Variants in KCTD13 observed in about 807,000 individuals in gnomAD.
The protein encoded by KCTD13 is potassium channel tetramerization domain containing 13, also known as BTB/POZ domain-containing adapter for CUL3-mediated RhoA degradation protein 1.
Under a neutral mutation model 32.3 loss-of-function variants are expected in KCTD13, and 15 were observed. The ratio of observed to expected loss-of-function variants is 0.46; its 90% CI spans 0.31 to 0.71. The LOEUF (loss-of-function observed/expected upper bound fraction) is 0.71. Among genes scored for constraint, KCTD13 ranks in the 30% least tolerant of loss-of-function variants. The pLI, the probability that KCTD13 is intolerant of heterozygous loss-of-function variation, is 0.05. For synonymous variants in KCTD13, 189 were observed against 200.1 expected (o/e 0.94, Z 0.47); for missense variants, 337 against 452.6 (o/e 0.74, Z 2.32).
chr16:29,911,877 G>A lies in KCTD13; in HGVS notation c.505-10C>T, dbSNP rs773004761. ...GGAGCTTCACCACGGGCTGGCGGGG[G>A]AGAGAGGATGGACGAGAGGGGTGAG... On this transcript the variant is annotated splice_polypyrimidine_tract_variant and intron_variant, in intron 3 of 5. Coordinates refer to ENST00000568000, the MANE Select transcript of KCTD13 (RefSeq NM_178863.5). 8 of 1,612,232 alleles carry A rather than the reference G, an allele frequency of 5.0e-6. No homozygotes were observed. The highest frequency in any genetic ancestry group is 4.4e-5 in the South Asian group (4 of 91,000).
chr16:29,906,927 C>T lies in KCTD13; in HGVS notation c.935G>A (p.Arg312His), dbSNP rs753123512. Residue 312 changes from arginine to histidine, a missense_variant, in exon 6 of 6, where the codon CGC becomes CAC. By Grantham distance (29) the Arg-to-His change is conservative (BLOSUM62 0). Around this residue, in one of 3 missense-constraint regions of KCTD13, gnomAD observed 252 missense variants for 340.2 expected, o/e 0.74. Coordinates refer to ENST00000568000, the MANE Select transcript of KCTD13 (RefSeq NM_178863.5). ...AGGACGCTCGTCGTGGGTGATATGG[C>T]GCCGGACATGGATCCTGCGGACACG... ...EHRVRRIHVR[R>H]HITHDERPHG... The T allele has an allele frequency of 1.9e-6, 3 of 1,613,958 alleles. No individual in the cohort carries two copies. The highest frequency in any genetic ancestry group is 1.1e-5 in the South Asian group (1 of 91,076).
chr16:29,915,915 G>C (rs2068801565), intron 2 of KCTD13, among the ~76,000 whole-genome samples: 2 of 152,096 alleles, frequency 1.3e-5, no homozygotes, highest in South Asian at 2.1e-4. Flanking sequence ...ATCTGGAAAG[G>C]CTGGGAATTT....
In KCTD13 at chr16:29,911,864, C is replaced by G; in HGVS notation, c.508G>C (p.Val170Leu). 1 of 1,612,088 alleles carries G rather than the reference C, an allele frequency of 6.2e-7. No individual in the cohort carries two copies. The highest frequency in any genetic ancestry group is 8.5e-7 in the Non-Finnish European group (1 of 1,179,050). The change falls in exon 4 of 6, where the codon GTG becomes CTG. Residue 170 changes from valine to leucine, a missense_variant. Val to Leu is a conservative substitution (Grantham distance 32). This residue lies in a region of KCTD13 where 252 missense variants were observed against 340.2 expected (regional missense o/e 0.74). Coordinates refer to ENST00000568000, the MANE Select transcript of KCTD13 (RefSeq NM_178863.5). Reference sequence around the variant, plus strand: ...CTGCGGTTGTGCAGGAGCTTCACCACGGGCTGGCGGGGGAGAGAGGATGGA... The same window carrying G: ...CTGCGGTTGTGCAGGAGCTTCACCAGGGGCTGGCGGGGGAGAGAGGATGGA... Reference protein sequence around the residue: ...QQLLASTSKPVVKLLHNRSNN... With the variant: ...QQLLASTSKPLVKLLHNRSNN...
chr16:29,911,272 GC>G, intron 4 of KCTD13, 99 bp from the exon 5 acceptor site: 2 of 939,900 alleles, frequency 2.1e-6, no homozygotes, highest in Non-Finnish European at 3.2e-6. Flanking sequence ...CTCTGCTCCT[GC>G]CCAGGGCTTT....
At chr16:29,914,167 A>C (rs2068767274) in intron 2 of KCTD13, 1 of 152,056 alleles carries the variant, frequency 6.6e-6, no homozygotes, top group Non-Finnish European at 1.5e-5. Context: ...TGTTGGTCCT[A>C]TCCAGTGAGG....
At chr16:29,916,253 TTTTTC>T (rs2068807200) in intron 2 of KCTD13, among the ~76,000 whole-genome samples, 1 of 152,150 alleles carries the variant, frequency 6.6e-6, no homozygotes, top group Admixed American at 6.5e-5. Flanking sequence ...TTTCTCACCT[TTTTTC>T]TTTTAATTTT....
At chr16:29,923,732 G>A (rs934630082) in intron 1 of KCTD13, among the ~76,000 whole-genome samples, 2 of 151,542 alleles carry the variant, frequency 1.3e-5, no homozygotes, top group Admixed American at 1.3e-4. Flanking sequence ...TTGGTGGCTG[G>A]TGCCAGCTAC....
At chr16:29,916,029 C>G (rs2068803404) in intron 2 of KCTD13, among the ~76,000 whole-genome samples, 1 of 152,138 alleles carries the variant, frequency 6.6e-6, no homozygotes, top group South Asian at 2.1e-4. Flanking sequence ...CCAGGTGGCA[C>G]CTTCAACATT....
In KCTD13 at chr16:29,906,768, C is replaced by A; in HGVS notation, c.*104G>T. ...CATGCAATGAAGGGACAGAGGAGGA[C>A]CCACGACTTGGCCAGCAGAGCCGGG... On this transcript the variant is annotated 3_prime_UTR_variant, in exon 6 of 6. Coordinates refer to ENST00000568000, the MANE Select transcript of KCTD13 (RefSeq NM_178863.5). The A allele has an allele frequency of 1.0e-6, 1 of 961,992 alleles. No individual in the cohort carries two copies. 59.6% of individuals were successfully genotyped at this position (961,992 alleles called of 1,614,324 possible). A position where few individuals can be genotyped will look rare whatever the true frequency, so the allele number is the denominator to read the frequency against.
chr16:29,924,787 C>T (rs1310113625), intron 1 of KCTD13, among the ~76,000 whole-genome samples: 3 of 148,940 alleles, frequency 2.0e-5, no homozygotes, highest in Non-Finnish European at 4.4e-5. Flanking sequence ...GGCGCTGTCT[C>T]GGCTCACTGC....
Position 29,906,977 on chromosome 16 carries a change from C to T in KCTD13, c.885G>A (p.Gly295=), listed in dbSNP as rs940323143. Residue 295 remains glycine (G), a synonymous_variant, in exon 6 of 6, where the codon GGG becomes GGA. Transcript: ENST00000568000. The part of the protein sequence containing the change: ...GAAGAGGAGR[G]EDEENREHRV... Reference sequence around the variant, plus strand: ...GGTGCTCTCGGTTCTCTTCATCCTCCCCGCGGCCAGCCCCACCAGCTCCAG... The same window carrying T: ...GGTGCTCTCGGTTCTCTTCATCCTCTCCGCGGCCAGCCCCACCAGCTCCAG... 1 of 1,614,082 alleles carries T rather than the reference C, an allele frequency of 6.2e-7. No homozygotes were observed. Among genetic ancestry groups the T allele is most frequent in the Non-Finnish European group, 8.5e-7 (1 of 1,180,048 alleles).
At chr16:29,910,832 G>A in intron 5 of KCTD13, 146 bp downstream of exon 5, 2 of 658,508 alleles carry the variant, frequency 3.0e-6, no homozygotes, top group Non-Finnish European at 5.2e-6. Flanking sequence ...GGATAGGGTG[G>A]CTTGCCCACT....
chr16:29,907,991 AAGAGAGAG>A (rs574753177), intron 5 of KCTD13, among the ~76,000 whole-genome samples: 1 of 151,264 alleles, frequency 6.6e-6, no homozygotes, highest in Non-Finnish European at 1.5e-5. Context: ...AAAAAAAAAA[AAGAGAGAG>A]AGAGAGAAAG....
intron 2 of KCTD13, among the ~76,000 whole-genome samples, chr16:29,915,675 CT>C (rs1235808508): frequency 1.3e-5 from 2 of 151,818 alleles, no homozygotes; most frequent in Admixed American, 1.3e-4. Context: ...CTACTTTGGG[CT>C]TGTGCTGAGA....
chr16:29,907,741 T>C (rs1438345165), intron 5 of KCTD13, among the ~76,000 whole-genome samples: 2 of 151,930 alleles, frequency 1.3e-5, no homozygotes, highest in African/African-American at 2.4e-5. Context: ...TGAGCCAAGA[T>C]TGTACCACTG....
In KCTD13 at chr16:29,926,205, C is replaced by T. The variant is rs1345295829; in HGVS notation, c.-172G>A. 1 of 712,656 alleles carries T rather than the reference C, an allele frequency of 1.4e-6. No individual in the cohort carries two copies. The highest frequency in any genetic ancestry group is 2.0e-6 in the Non-Finnish European group (1 of 489,242). 44.1% of individuals were successfully genotyped at this position (712,656 alleles called of 1,614,324 possible). A position where few individuals can be genotyped will look rare whatever the true frequency, so the allele number is the denominator to read the frequency against. ...TCCGCCCCATCTCGCTCGCACCACC[C>T]GGAAGCCGGCGCCGGGCAGCTGCGC... On this transcript the variant is annotated 5_prime_UTR_variant, in exon 1 of 6. Coordinates refer to ENST00000568000, the MANE Select transcript of KCTD13 (RefSeq NM_178863.5).
rs1021886099 is a variant in KCTD13, at chr16:29,926,158, A to G, written c.-125T>C. ...CTCGGCGCACACGCCCACTCACCGC[A>G]GCTACTCTGCAAGACCGGCCCTCCG... On this transcript the variant is annotated 5_prime_UTR_variant, in exon 1 of 6. Coordinates refer to ENST00000568000, the MANE Select transcript of KCTD13 (RefSeq NM_178863.5). 10 of 1,143,360 alleles carry G rather than the reference A, an allele frequency of 8.7e-6. No individual in the cohort carries two copies. The Admixed American group carries it at 2.5e-4, about 29-fold the overall frequency. 70.8% of individuals were successfully genotyped at this position (1,143,360 alleles called of 1,614,324 possible). A position where few individuals can be genotyped will look rare whatever the true frequency, so the allele number is the denominator to read the frequency against.
chr16:29,911,898 G>C (rs371230382), intron 3 of KCTD13, 31 bp from the exon 4 acceptor site: 4 of 1,611,052 alleles, frequency 2.5e-6, no homozygotes, highest in Non-Finnish European at 3.4e-6. Context: ...GACGAGAGGG[G>C]TGAGGCTGCA....
chr16:29,910,096 TAA>T (rs529199170), intron 5 of KCTD13, among the ~76,000 whole-genome samples: 21 of 110,364 alleles, frequency 1.9e-4, no homozygotes, highest in Admixed American at 2.0e-4. Flanking sequence ...AGACTCTGTC[TAA>T]AAAAAAAAAA....
Sources: allele counts gnomAD v4.1 joint callset (sites outside exome capture counted in the v4.1 genomes callset), GRCh38; gene constraint gnomAD v4.1.1; regional missense constraint gnomAD v4.1.1; transcripts MANE v1.5; gene names NCBI Gene and HGNC (gene_info 2026-07-23, HGNC 2026-07-21).